Variants in IL16 observed in about 807,000 individuals in gnomAD.
IL16 encodes the protein interleukin 16, also known as pro-interleukin-16.
In IL16, 67 loss-of-function variants were observed where a neutral mutation model predicts 110.1. That is an observed-to-expected ratio of 0.61 (90% CI 0.50 to 0.75). The LOEUF (loss-of-function observed/expected upper bound fraction) is 0.75. Among genes scored for constraint, IL16 ranks in the 30% least tolerant of loss-of-function variants. The pLI is 0.00. For synonymous variants in IL16, 689 were observed against 662.9 expected (o/e 1.04, Z -0.61); for missense variants, 1,545 against 1,655.0 (o/e 0.93, Z 1.15).
intron 1 of IL16, among the ~76,000 whole-genome samples, chr15:81,218,216 A>G (rs1896497852): frequency 6.6e-6 from 1 of 152,150 alleles, no homozygotes; most frequent in African/African-American, 2.4e-5. Context: ...ATATACAAAG[A>G]CTAACCAATT....
intron 2 of IL16, among the ~76,000 whole-genome samples, chr15:81,225,944 C>G (rs1375332817): frequency 6.6e-6 from 1 of 152,152 alleles, no homozygotes; most frequent in Non-Finnish European, 1.5e-5. Context: ...CTATGTCACT[C>G]CAAGGTAAAC....
chr15:81,286,004 A>G (rs143356283), intron 10 of IL16, among the ~76,000 whole-genome samples, 174 bp downstream of exon 10: 375 of 152,262 alleles, frequency 2.5e-3, no homozygotes, highest in Non-Finnish European at 3.5e-3. Flanking sequence ...CCACTAACAA[A>G]CTCCTAGATA....
intron 3 of IL16, among the ~76,000 whole-genome samples, chr15:81,260,915 G>A (rs1004460257): frequency 6.6e-6 from 1 of 152,094 alleles, no homozygotes; most frequent in African/African-American, 2.4e-5. Context: ...TGGAATTTGG[G>A]GTTAAACGGT....
At chr15:81,279,530 G>C (rs931066075) in intron 7 of IL16, 28 bp from the exon 8 acceptor site, 1 of 1,548,418 alleles carries the variant, frequency 6.5e-7, no homozygotes. Flanking sequence ...TTGCTGCTGG[G>C]TGTTGTAGCC....
chr15:81,260,106 A>C (rs1596003631), intron 3 of IL16, among the ~76,000 whole-genome samples: 2 of 152,190 alleles, frequency 1.3e-5, no homozygotes, highest in South Asian at 4.1e-4. Context: ...GGGTGTGGGG[A>C]AGAAGAGACC....
In IL16 at chr15:81,278,855, G is replaced by A. The variant is rs1198660640; in HGVS notation, c.829G>A (p.Gly277Arg). Reference sequence around the variant, plus strand: ...GGAGCTCAATGGTGAATCAATGGCTGGACTAACACATCAGGATGCTTTGCA... The same window carrying A: ...GGAGCTCAATGGTGAATCAATGGCTAGACTAACACATCAGGATGCTTTGCA... ...ILELNGESMA[G>R]LTHQDALQKF... The change falls in exon 7 of 19, where the codon GGA (glycine) becomes AGA (arginine). Residue 277 changes from glycine to arginine, a missense_variant. Around this residue, in one of 3 missense-constraint regions of IL16, gnomAD observed 1,185 missense variants for 1,238.8 expected, o/e 0.96. Coordinates refer to ENST00000683961, the MANE Select transcript of IL16 (RefSeq NM_172217.5). 2.5e-6 allele frequency: 4 copies of A among 1,613,240 alleles called. No individual in the cohort carries two copies. Among genetic ancestry groups the A allele is most frequent in the Non-Finnish European group, 3.4e-6 (4 of 1,179,170 alleles).
chr15:81,196,009 C>T (rs543707894), upstream of IL16, among the ~76,000 whole-genome samples: 12 of 152,236 alleles, frequency 7.9e-5, no homozygotes, highest in African/African-American at 2.2e-4. Context: ...CACCTGAGCA[C>T]GCACCAAAAT....
chr15:81,260,754 C>T (rs1295463145), intron 3 of IL16, among the ~76,000 whole-genome samples: 1 of 152,234 alleles, frequency 6.6e-6, no homozygotes, highest in East Asian at 1.9e-4. Flanking sequence ...CCTATGTGAT[C>T]TTGGGCAAGT....
At chr15:81,255,247 C>T (rs1353081117) in intron 2 of IL16, among the ~76,000 whole-genome samples, 1 of 152,192 alleles carries the variant, frequency 6.6e-6, no homozygotes, top group Non-Finnish European at 1.5e-5. Flanking sequence ...TAGGAAATTG[C>T]TACTTAGACC....
intron 5 of IL16, among the ~76,000 whole-genome samples, chr15:81,270,057 TA>T (rs1201822655): frequency 2.0e-5 from 3 of 152,236 alleles, no homozygotes; most frequent in African/African-American, 7.2e-5. Context: ...TATTAATTTA[TA>T]AAAACATATG....
chr15:81,313,321 A>G lies in IL16; in HGVS notation c.*4523A>G, dbSNP rs149593184. ...TAAAACCGGGTCATGCTGCGGGGGA[A>G]GAAGGAGTCCACCACGTTCTGTGGG... On this transcript the variant is annotated 3_prime_UTR_variant, in exon 19 of 19. Transcript: ENST00000683961. The G allele has an allele frequency of 3.2e-5, 50 of 1,579,164 alleles. No homozygotes were observed. The Admixed American group carries it at 6.0e-4, about 19-fold the overall frequency.
chr15:81,257,635 G>T (rs563189753), intron 2 of IL16, among the ~76,000 whole-genome samples: 76 of 152,264 alleles, frequency 5.0e-4, no homozygotes, highest in African/African-American at 1.8e-3. Context: ...AGCTGAGGGT[G>T]GGTTATTTGG....
At chr15:81,267,865 G>A (rs1443258984) in intron 4 of IL16, among the ~76,000 whole-genome samples, 1 of 152,186 alleles carries the variant, frequency 6.6e-6, no homozygotes, top group African/African-American at 2.4e-5. Flanking sequence ...ACCTGCATCA[G>A]GGCAGGTGAT....
intron 15 of IL16, chr15:81,302,054 G>C (rs919085158): frequency 6.5e-6 from 1 of 153,042 alleles, no homozygotes; most frequent in Non-Finnish European, 1.5e-5. Context: ...GGTGTGGGGA[G>C]GAAGTGGCCA....
At chr15:81,185,350 T>C (rs908327499) in intron 1 of IL16, among the ~76,000 whole-genome samples, 1 of 148,404 alleles carries the variant, frequency 6.7e-6, no homozygotes, top group Admixed American at 6.6e-5. Context: ...ATTGCTTTTT[T>C]TCTTTTCTTT....
At chr15:81,267,125 G>C (rs1238989735) in intron 4 of IL16, among the ~76,000 whole-genome samples, 1 of 152,188 alleles carries the variant, frequency 6.6e-6, no homozygotes, top group Non-Finnish European at 1.5e-5. Flanking sequence ...CCTGAGGATT[G>C]GGCTAGCGGG....
intron 2 of IL16, among the ~76,000 whole-genome samples, chr15:81,249,299 A>C (rs745818666): frequency 6.6e-6 from 1 of 152,022 alleles, no homozygotes; most frequent in African/African-American, 2.4e-5. Flanking sequence ...TTTAATCATC[A>C]TTCTTTGCCT....
In IL16 at chr15:81,295,485, T is replaced by C. The variant is rs1446452333; in HGVS notation, c.1903-1443T>C. On this transcript the variant is annotated intron_variant, in intron 12 of 18. Transcript: ENST00000683961. ...TGTAAAAGAGCTAACAATTCATGAA[T>C]GTCAACAGATGTCAACTTACAGAGC... 14 of 1,289,722 alleles carry C rather than the reference T, an allele frequency of 1.1e-5. No individual in the cohort carries two copies. In the Admixed American group the frequency reaches 2.8e-4, roughly 25 times the overall value. 79.9% of individuals were successfully genotyped at this position (1,289,722 alleles called of 1,614,324 possible).
At chr15:81,249,065 T>C (rs559400668) in intron 2 of IL16, among the ~76,000 whole-genome samples, 60 of 152,272 alleles carry the variant, frequency 3.9e-4, no homozygotes, top group African/African-American at 1.4e-3. Flanking sequence ...AAATTTGGCA[T>C]GTATATGAAG....
Sources: allele counts gnomAD v4.1 joint callset (sites outside exome capture counted in the v4.1 genomes callset), GRCh38; gene constraint gnomAD v4.1.1; regional missense constraint gnomAD v4.1.1; transcripts MANE v1.5; gene names NCBI Gene and HGNC (gene_info 2026-07-23, HGNC 2026-07-21).